The following ANO4 variants were observed in gnomAD, a reference collection of about 807,000 sequenced individuals.
ANO4 encodes the protein anoctamin 4.
ANO4 carries 69 observed loss-of-function variants against 141.9 expected under a neutral mutation model. The ratio of observed to expected loss-of-function variants is 0.49; its 90% CI spans 0.40 to 0.59. ANO4 has a LOEUF of 0.59. ANO4 is among the 20% of genes least tolerant of loss of function. The pLI is 0.00. For synonymous variants in ANO4, 350 were observed against 394.3 expected (o/e 0.89, Z 1.33); for missense variants, 894 against 1,162.2 (o/e 0.77, Z 3.36).
At chr12:101,042,550 TGGAG>T in intron 12 of ANO4, 82 bp downstream of exon 12, 2 of 1,552,744 alleles carry the variant, frequency 1.3e-6, no homozygotes, top group Non-Finnish European at 1.8e-6. Flanking sequence ...TCACAGATTG[TGGAG>T]ACATTTAGCT....
At chr12:100,833,946 G>A (rs1317119584) in intron 1 of ANO4, among the ~76,000 whole-genome samples, 2 of 152,088 alleles carry the variant, frequency 1.3e-5, no homozygotes, top group Non-Finnish European at 2.9e-5. Context: ...TATCATTGGA[G>A]TTTTTGGATA....
chr12:100,824,225 T>C (rs1218096634), intron 1 of ANO4, among the ~76,000 whole-genome samples: 1 of 151,978 alleles, frequency 6.6e-6, no homozygotes, highest in Non-Finnish European at 1.5e-5. Flanking sequence ...GTACTGTCAG[T>C]CAGTCATGTG....
At chr12:100,961,277 A>C (rs1277051686) in intron 5 of ANO4, among the ~76,000 whole-genome samples, 1 of 152,204 alleles carries the variant, frequency 6.6e-6, no homozygotes, top group African/African-American at 2.4e-5. Context: ...AGATCTAAGA[A>C]GGTGATGGAA....
At chr12:100,947,480 G>T (rs1208585167) in intron 5 of ANO4, among the ~76,000 whole-genome samples, 1 of 152,116 alleles carries the variant, frequency 6.6e-6, no homozygotes, top group Non-Finnish European at 1.5e-5. Flanking sequence ...CAAATACATT[G>T]CTTCCAAAAG....
Position 100,918,971 on chromosome 12 carries a change from A to T in ANO4, c.56-3255A>T, listed in dbSNP as rs1421100557. On this transcript the variant is annotated intron_variant, in intron 2 of 27. Transcript: ENST00000392977. ...GATAATCCTGACCTTGTATAGGCCTAGGCTAATGTGTGTGTTTGTATCCTC... is the reference window on the plus strand; with the variant it reads ...GATAATCCTGACCTTGTATAGGCCTTGGCTAATGTGTGTGTTTGTATCCTC... Among the ~76,000 whole-genome samples the T allele has an allele frequency of 3.9e-5, 6 of 152,282 alleles. No individual in the cohort carries two copies. In the East Asian group the frequency reaches 9.7e-4, roughly 25 times the overall value.
At chr12:100,740,176 G>T in intron 3 of ANO4, 1 of 682,266 alleles carries the variant, frequency 1.5e-6, no homozygotes, top group Non-Finnish European at 2.7e-6. Flanking sequence ...TTTGCCTGCT[G>T]AATAAATTGC....
chr12:101,120,885 T>C (rs2051059869), intron 26 of ANO4, among the ~76,000 whole-genome samples: 1 of 152,198 alleles, frequency 6.6e-6, no homozygotes, highest in South Asian at 2.1e-4. Flanking sequence ...TCTGGGGCCA[T>C]AGTTCTTAAA....
At chr12:100,766,862 G>T (rs2033107195) in intron 3 of ANO4, among the ~76,000 whole-genome samples, 1 of 152,028 alleles carries the variant, frequency 6.6e-6, no homozygotes, top group Admixed American at 6.5e-5. Flanking sequence ...CTTCATTTCT[G>T]TTACTATTGC....
At chr12:101,069,724 A>G (rs939081676) in intron 14 of ANO4, among the ~76,000 whole-genome samples, 1 of 152,186 alleles carries the variant, frequency 6.6e-6, no homozygotes, top group African/African-American at 2.4e-5. Flanking sequence ...TGGTGTTTGT[A>G]CTATAACAAC....
chr12:100,964,888 C>A (rs2136246051), intron 5 of ANO4, among the ~76,000 whole-genome samples: 1 of 152,294 alleles, frequency 6.6e-6, no homozygotes, highest in African/African-American at 2.4e-5. Flanking sequence ...CAAAGCACAT[C>A]ATCAGAAGTA....
chr12:101,115,384 T>A (rs1270784786), intron 24 of ANO4, among the ~76,000 whole-genome samples: 1 of 151,168 alleles, frequency 6.6e-6, no homozygotes, highest in African/African-American at 2.4e-5. Context: ...GCCTGGGAGG[T>A]CAAAGCTGCA....
chr12:100,935,988 G>A (rs1272505534), intron 3 of ANO4, among the ~76,000 whole-genome samples: 3 of 152,064 alleles, frequency 2.0e-5, no homozygotes, highest in Admixed American at 2.0e-4. Context: ...TCTTCTTACT[G>A]ACCACGGGTT....
chr12:101,102,695 G>C (rs1408798479), intron 22 of ANO4, among the ~76,000 whole-genome samples: 1 of 151,760 alleles, frequency 6.6e-6, no homozygotes, highest in African/African-American at 2.4e-5. Flanking sequence ...AGAAATTTCA[G>C]CTTCATTCTT....
chr12:101,036,974 C>A, intron 9 of ANO4, 121 bp from the exon 10 acceptor site: 1 of 794,130 alleles, frequency 1.3e-6, no homozygotes, highest in Non-Finnish European at 1.9e-6. Flanking sequence ...ACTCTTGGTG[C>A]CCCTAAGAGG....
intron 3 of ANO4, among the ~76,000 whole-genome samples, chr12:100,935,006 T>G (rs2136150218): frequency 6.6e-6 from 1 of 152,216 alleles, no homozygotes; most frequent in South Asian, 2.1e-4. Context: ...GATGATGGGG[T>G]TTTCTAAATA....
At position 100,905,676 on chromosome 12, in the gene ANO4, A is replaced by G. The variant is rs59354728; in HGVS notation, c.55+3836A>G. On this transcript the variant is annotated intron_variant, in intron 2 of 27. Transcript: ENST00000392977. Reference sequence around the variant, plus strand: ...GGCAACTTTTTTGAGCAGTTTTGCTATGAAGTGTAGTGAAGAAATAGGGCA... The same window carrying G: ...GGCAACTTTTTTGAGCAGTTTTGCTGTGAAGTGTAGTGAAGAAATAGGGCA... Among the ~76,000 whole-genome samples, 111 of 152,278 alleles carry G rather than the reference A, an allele frequency of 7.3e-4. 1 individual carries two copies. The East Asian group carries it at 0.017, about 24-fold the overall frequency.
chr12:101,053,950 G>C (rs889878471), intron 14 of ANO4, among the ~76,000 whole-genome samples: 1 of 152,212 alleles, frequency 6.6e-6, no homozygotes, highest in Non-Finnish European at 1.5e-5. Flanking sequence ...AATAACTCTG[G>C]CAACAGTGCA....
intron 3 of ANO4, among the ~76,000 whole-genome samples, chr12:100,744,722 T>C (rs1433389242): frequency 6.6e-6 from 1 of 152,060 alleles, no homozygotes. Context: ...AACTTATTAA[T>C]TATGTCTATT....
chr12:100,989,750 TATGGATGGATGGATGG>T lies in ANO4; in HGVS notation c.734+2115_734+2130del, dbSNP rs370125379. On this transcript the variant is annotated intron_variant, in intron 8 of 27. Transcript: ENST00000392977. ...GGATGGGTGGATAGATGGATGGATATATGGATGGATGGATGGATGGATGGATGGATGGATGGATGGA... is the reference window on the plus strand; with the variant it reads ...GGATGGGTGGATAGATGGATGGATATATGGATGGATGGATGGATGGATGGA... Among the ~76,000 whole-genome samples the T allele has an allele frequency of 3.7e-4, 43 of 115,500 alleles. 1 individual carries two copies. The highest frequency in any genetic ancestry group is 9.5e-4 in the Admixed American group (11 of 11,638). The allele number at this position is 115,500 out of a possible 152,430, so 75.8% of individuals were successfully genotyped here. A position where few individuals can be genotyped will look rare whatever the true frequency, so the allele number is the denominator to read the frequency against.
Sources: allele counts gnomAD v4.1 joint callset (sites outside exome capture counted in the v4.1 genomes callset), GRCh38; gene constraint gnomAD v4.1.1; transcripts MANE v1.5; gene names NCBI Gene and HGNC (gene_info 2026-07-23, HGNC 2026-07-21).